CALN1: variants seen among roughly 807,000 people sequenced by gnomAD.
The protein encoded by CALN1 is calneuron 1.
A neutral mutation model predicts 30.6 loss-of-function variants in CALN1; 17 were observed. That is an observed-to-expected ratio of 0.56 (90% confidence interval 0.38 to 0.83). The LOEUF is 0.83. Ranked by LOEUF, CALN1 falls within the 40% of genes least tolerant of loss-of-function variation. The pLI, the probability that CALN1 is intolerant of heterozygous loss-of-function variation, is 0.00. For synonymous variants in CALN1, 156 were observed against 131.4 expected, an observed-to-expected ratio of 1.19 and a Z score of -1.28; for missense variants, 291 against 354.9, an observed-to-expected ratio of 0.82 and a Z score of 1.45.
the CALN1 span, among the ~76,000 whole-genome samples, chr7:72,495,261 A>G: frequency 2.0e-5 from 3 of 151,914 alleles, no homozygotes; most frequent in African/African-American, 7.3e-5. Context: ...TCCAATCTCT[A>G]CCCAAATCCT....
chr7:71,823,719 A>C (rs1788736262), intron 5 of CALN1, among the ~76,000 whole-genome samples: 2 of 131,826 alleles, frequency 1.5e-5, no homozygotes, highest in African/African-American at 5.8e-5. Flanking sequence ...CTCCATCTCA[A>C]AAAAGAAAAA....
chr7:72,205,680 T>G (rs1398983863), intron 3 of CALN1, among the ~76,000 whole-genome samples: 1 of 149,778 alleles, frequency 6.7e-6, no homozygotes, highest in Non-Finnish European at 1.5e-5. Context: ...GCTTTAAGTT[T>G]TGTAACATCA....
At chr7:71,793,785 A>G (rs973535644) in intron 6 of CALN1, among the ~76,000 whole-genome samples, 2 of 152,190 alleles carry the variant, frequency 1.3e-5, no homozygotes, top group African/African-American at 4.8e-5. Flanking sequence ...CTGATGCAGG[A>G]GGATCACTTG....
At chr7:72,147,128 TA>T (rs1585037518) in intron 3 of CALN1, among the ~76,000 whole-genome samples, 2 of 152,130 alleles carry the variant, frequency 1.3e-5, no homozygotes, top group African/African-American at 4.8e-5. Flanking sequence ...GGGATCTAAT[TA>T]AACTCAAGAG....
Position 72,313,393 on chromosome 7 carries a change from G to GA in CALN1, c.120-34584dup, listed in dbSNP as rs554808907. 1.9e-3 allele frequency among the ~76,000 whole-genome samples: 282 copies of GA among 150,320 alleles called. 1 individual carries two copies. Among genetic ancestry groups the GA allele is most frequent in the Non-Finnish European group, 2.8e-3 (188 of 67,484 alleles). On this transcript the variant is annotated intron_variant, in intron 2 of 6. Coordinates refer to ENST00000395275, the MANE Select transcript of CALN1 (RefSeq NM_031468.4). Reference sequence around the variant, plus strand: ...GCCAAATTAATACTAGTTGTATTAAGAAAAAAAAAATTCTTTGAGACAGAG... The same window carrying GA: ...GCCAAATTAATACTAGTTGTATTAAGAAAAAAAAAAATTCTTTGAGACAGAG...
chr7:72,416,497 G>A (rs145623879), upstream of CALN1, among the ~76,000 whole-genome samples: 156 of 152,266 alleles, frequency 1.0e-3, no homozygotes, highest in African/African-American at 3.6e-3. Context: ...GCTTTGCGAG[G>A]CTGAGACAGG....
At chr7:72,060,638 C>T (rs10247062) in intron 4 of CALN1, among the ~76,000 whole-genome samples, 32,028 of 152,148 alleles carry the variant, frequency 0.21, 4,272 homozygotes, top group Middle Eastern at 0.33. Flanking sequence ...CAATGTTGAA[C>T]TTGGGGCCTG....
intron 6 of CALN1, among the ~76,000 whole-genome samples, chr7:71,806,782 A>T (rs902076028): frequency 2.0e-5 from 3 of 152,190 alleles, no homozygotes; most frequent in Non-Finnish European, 2.9e-5. Flanking sequence ...GGTTTCATCA[A>T]ATCAACAACC....
intron 5 of CALN1, among the ~76,000 whole-genome samples, chr7:71,937,068 G>A (rs1334166735): frequency 6.6e-6 from 1 of 152,058 alleles, no homozygotes; most frequent in East Asian, 1.9e-4. Flanking sequence ...CATGAAAATG[G>A]ACTAATACAA....
chr7:72,264,856 G>A (rs1015568925), intron 3 of CALN1, among the ~76,000 whole-genome samples: 3 of 152,080 alleles, frequency 2.0e-5, no homozygotes, highest in Admixed American at 2.0e-4. Flanking sequence ...CCATCTGATA[G>A]GCCCCAGTGT....
At chr7:72,463,859 C>A in the CALN1 span, among the ~76,000 whole-genome samples, 2 of 151,932 alleles carry the variant, frequency 1.3e-5, no homozygotes, top group Non-Finnish European at 2.9e-5. Context: ...CTTTTCCTGG[C>A]CTGGCCTGGC....
intron 3 of CALN1, among the ~76,000 whole-genome samples, chr7:72,276,895 G>A (rs1302022683): frequency 6.6e-6 from 1 of 152,094 alleles, no homozygotes; most frequent in African/African-American, 2.4e-5. Context: ...CATACTCAAG[G>A]CACAAAAGAA....
At chr7:72,228,953 G>A (rs1039936878) in intron 3 of CALN1, among the ~76,000 whole-genome samples, 1 of 149,048 alleles carries the variant, frequency 6.7e-6, no homozygotes, top group Non-Finnish European at 1.5e-5. Context: ...TAGAGATGTT[G>A]GTGGTGGGGG....
intron 2 of CALN1, among the ~76,000 whole-genome samples, chr7:72,365,700 G>A (rs1046715482): frequency 6.6e-5 from 10 of 152,020 alleles, no homozygotes; most frequent in African/African-American, 2.4e-4. Context: ...CAAAGTGCTG[G>A]GATTACAGGT....
At chr7:72,003,514 C>T (rs746689082) in intron 5 of CALN1, among the ~76,000 whole-genome samples, 1 of 152,296 alleles carries the variant, frequency 6.6e-6, no homozygotes, top group African/African-American at 2.4e-5. Context: ...TGCTTCCCAT[C>T]GCTCGCATTA....
intron 2 of CALN1, among the ~76,000 whole-genome samples, chr7:72,338,525 G>GTGTGTGCGTGTGTGTGTCTGTCTGTC: frequency 1.6e-5 from 2 of 122,292 alleles, no homozygotes; most frequent in African/African-American, 6.3e-5. Flanking sequence ...GTGTGTGTGT[G>GTGTGTGCGTGTGTGTGTCTGTCTGTC]TGTCTCACCT....
rs572405143 is a variant in CALN1 at position 72,034,125 on chromosome 7, G to A, written c.389-10356C>T. On this transcript the variant is annotated intron_variant, in intron 4 of 6. Transcript: ENST00000395275. ...TCCCAGCACTTTGGGAGGCCGAGGTGGGCGTATCACAAGGTCAGGAGATTG... is the reference window on the plus strand; with the variant it reads ...TCCCAGCACTTTGGGAGGCCGAGGTAGGCGTATCACAAGGTCAGGAGATTG... Among the ~76,000 whole-genome samples, 417 of 152,030 alleles carry A rather than the reference G, an allele frequency of 2.7e-3. 2 individuals are homozygous for A. The highest frequency in any genetic ancestry group is 4.7e-3 in the Non-Finnish European group (322 of 67,962).
intron 3 of CALN1, among the ~76,000 whole-genome samples, chr7:72,228,229 G>GT (rs758725855): frequency 6.6e-6 from 1 of 151,854 alleles, no homozygotes; most frequent in Non-Finnish European, 1.5e-5. Context: ...AGAATGTAGT[G>GT]TTTCCAGGGA....
intron 4 of CALN1, among the ~76,000 whole-genome samples, chr7:72,086,212 A>G (rs1319460650): frequency 6.6e-6 from 1 of 152,198 alleles, no homozygotes; most frequent in South Asian, 2.1e-4. Flanking sequence ...AACGTGACAT[A>G]AACTAAATAT....
Sources: allele counts gnomAD v4.1 joint callset (sites outside exome capture counted in the v4.1 genomes callset), GRCh38; gene constraint gnomAD v4.1.1; transcripts MANE v1.5; gene names NCBI Gene and HGNC (gene_info 2026-07-23, HGNC 2026-07-21).